LARP1B: variants seen among roughly 807,000 people sequenced by gnomAD.
The protein encoded by LARP1B is La ribonucleoprotein 1B.
A neutral mutation model predicts 114.2 loss-of-function variants in LARP1B; 76 were observed. The ratio of observed to expected loss-of-function variants is 0.67; its 90% CI spans 0.55 to 0.81. The LOEUF is 0.81. LARP1B is among the 30% of genes least tolerant of loss of function. The pLI, the probability that LARP1B is intolerant of heterozygous loss-of-function variation, is 0.00. For synonymous variants in LARP1B, 345 were observed against 348.0 expected (o/e 0.99, Z 0.10); for missense variants, 1,014 against 1,075.8 (o/e 0.94, Z 0.80).
At chr4:128,107,388 T>C in intron 9 of LARP1B, 75 bp downstream of exon 9, 1 of 1,544,736 alleles carries the variant, frequency 6.5e-7, no homozygotes, top group Non-Finnish European at 8.8e-7. Context: ...ATTTATTTAT[T>C]TTCAGTTTAT....
intron 1 of LARP1B, among the ~76,000 whole-genome samples, chr4:128,068,083 C>CGTTA (rs1763743787): frequency 6.6e-6 from 1 of 152,030 alleles, no homozygotes. Context: ...GGTTTCACCA[C>CGTTA]GTTAGCCAGG....
chr4:128,115,960 A>G (rs1785649277), intron 10 of LARP1B, among the ~76,000 whole-genome samples: 1 of 152,252 alleles, frequency 6.6e-6, no homozygotes, highest in African/African-American at 2.4e-5. Context: ...CGGCCTGGCC[A>G]GAAAATGTAT....
At chr4:128,176,285 GTA>G (rs71587371) in intron 12 of LARP1B, among the ~76,000 whole-genome samples, 55,108 of 138,006 alleles carry the variant, frequency 0.4, 11,919 homozygotes, top group African/African-American at 0.58. Context: ...GTGTGTGTGT[GTA>G]TATATATATA....
intron 7 of LARP1B, among the ~76,000 whole-genome samples, chr4:128,096,654 G>T (rs998853036): frequency 1.3e-5 from 2 of 149,740 alleles, no homozygotes; most frequent in Non-Finnish European, 3.0e-5. Context: ...AGGCTGGAGT[G>T]CAGTGGTGTA....
intron 15 of LARP1B, among the ~76,000 whole-genome samples, chr4:128,193,645 T>A (rs1234138385): frequency 2.0e-5 from 3 of 152,186 alleles, no homozygotes; most frequent in Non-Finnish European, 4.4e-5. Context: ...AGACAGAGTT[T>A]CGCTCTCGTT....
intron 5 of LARP1B, among the ~76,000 whole-genome samples, chr4:128,085,593 C>A (rs1773150918): frequency 6.6e-6 from 1 of 152,112 alleles, no homozygotes; most frequent in Non-Finnish European, 1.5e-5. Flanking sequence ...GTCTTGAACT[C>A]CTAGCCTCAA....
chr4:128,209,720 CAA>C (rs11293327), intron 19 of LARP1B, 134 bp from the exon 20 acceptor site: 28,935 of 482,650 alleles, frequency 0.06, 424 homozygotes, highest in Middle Eastern at 0.084. Flanking sequence ...GAGACTCCAT[CAA>C]AAAAAAAAAA....
intron 9 of LARP1B, chr4:128,108,567 C>A: frequency 1.0e-6 from 1 of 985,566 alleles, no homozygotes; most frequent in Non-Finnish European, 1.2e-6. Context: ...TCATATGTTT[C>A]TTTGTCAGCC....
intron 12 of LARP1B, among the ~76,000 whole-genome samples, chr4:128,172,937 A>ATG (rs57382183): frequency 0.026 from 3,599 of 137,020 alleles, 83 homozygotes; most frequent in Middle Eastern, 0.069. Context: ...ATCCCATCCA[A>ATG]TGTGTGTGTG....
intron 11 of LARP1B, among the ~76,000 whole-genome samples, chr4:128,134,428 A>G (rs1010084851): frequency 6.6e-6 from 1 of 152,220 alleles, no homozygotes; most frequent in Non-Finnish European, 1.5e-5. Flanking sequence ...TTTACCTTAT[A>G]CCATAAATGA....
At chr4:128,137,019 T>G (rs1725625925) in intron 11 of LARP1B, among the ~76,000 whole-genome samples, 2 of 152,068 alleles carry the variant, frequency 1.3e-5, no homozygotes, top group African/African-American at 4.8e-5. Context: ...TAATGGAAAT[T>G]AGAAAATATG....
rs202022495 is a variant in LARP1B, at chr4:128,200,707, T to A, written c.2309+42T>A. ...TACACTTCAAGGGAGTTTTATTATT[T>A]TCTTCTTCTTTTTTTCTTTACCCAG... On this transcript the variant is annotated intron_variant, in intron 17 of 19. Coordinates refer to ENST00000326639, the MANE Select transcript of LARP1B (RefSeq NM_018078.4). The A allele has an allele frequency of 5.0e-6, 7 of 1,392,256 alleles. No homozygotes were observed. In the East Asian group the frequency reaches 1.7e-4, roughly 35 times the overall value. The allele number at this position is 1,392,256 out of a possible 1,614,324, so 86.2% of individuals were successfully genotyped here.
At position 128,061,396 on chromosome 4, in the gene LARP1B, C is replaced by G. The variant is rs1279282626; in HGVS notation, c.-83C>G. ...GTGCTGCGCCTCCGCGGCTGCCCTG[C>G]GCCAGGTGAGGGCTCGCGGCTCCCG... On this transcript the variant is annotated 5_prime_UTR_variant, in exon 1 of 20. Transcript: ENST00000326639. 6.5e-6 allele frequency: 1 copy of G among 152,836 alleles called. No homozygotes were observed. The highest frequency in any genetic ancestry group is 2.4e-5 in the African/African-American group (1 of 41,434). 9.5% of individuals were successfully genotyped at this position (152,836 alleles called of 1,614,324 possible). A position where few individuals can be genotyped will look rare whatever the true frequency, so the allele number is the denominator to read the frequency against.
intron 11 of LARP1B, among the ~76,000 whole-genome samples, chr4:128,140,857 C>T (rs1462410078): frequency 3.6e-5 from 5 of 137,284 alleles, no homozygotes; most frequent in African/African-American, 1.3e-4. Context: ...GCTCTGTCGC[C>T]CAGGCTAGAG....
intron 1 of LARP1B, among the ~76,000 whole-genome samples, chr4:128,067,834 C>T (rs187008037): frequency 6.6e-5 from 10 of 151,230 alleles, no homozygotes; most frequent in African/African-American, 1.5e-4. Flanking sequence ...TTCAGCCTTC[C>T]GAGTAGCTAG....
chr4:128,128,635 C>A (rs1430532568), intron 11 of LARP1B, among the ~76,000 whole-genome samples: 1 of 152,040 alleles, frequency 6.6e-6, no homozygotes, highest in Admixed American at 6.6e-5. Flanking sequence ...GAAAATATAC[C>A]ACGTATTGCT....
chr4:128,133,964 T>C (rs1792400098), intron 11 of LARP1B, among the ~76,000 whole-genome samples: 1 of 151,706 alleles, frequency 6.6e-6, no homozygotes, highest in Admixed American at 6.6e-5. Flanking sequence ...CCCAAAGTGC[T>C]GGGATTACAG....
rs1257613297 is a variant in LARP1B at position 128,107,948 on chromosome 4, C to G, written c.988+635C>G. 6.5e-6 allele frequency: 10 copies of G among 1,534,306 alleles called. No homozygotes were observed. The Admixed American group carries it at 7.9e-5, about 12-fold the overall frequency. Reference sequence around the variant, plus strand: ...TCGGAATATGCAGTGGAATAGGTGACTCACTGAAATGCCTTTATAAATACT... The same window carrying G: ...TCGGAATATGCAGTGGAATAGGTGAGTCACTGAAATGCCTTTATAAATACT... On this transcript the variant is annotated intron_variant, in intron 9 of 19. Coordinates refer to ENST00000326639, the MANE Select transcript of LARP1B (RefSeq NM_018078.4).
At chr4:128,132,053 A>G (rs1213288341) in intron 11 of LARP1B, among the ~76,000 whole-genome samples, 1 of 152,202 alleles carries the variant, frequency 6.6e-6, no homozygotes, top group Non-Finnish European at 1.5e-5. Flanking sequence ...TTCCACTTTT[A>G]TGTATGTAAT....
Sources: gnomAD v4.1 joint callset for allele counts (sites outside exome capture counted in the v4.1 genomes callset) on GRCh38, gnomAD v4.1.1 for gene constraint, MANE v1.5 for transcripts, NCBI Gene and HGNC (gene_info 2026-07-23, HGNC 2026-07-21) for gene names.